Variants in LINGO2 observed in about 807,000 individuals in gnomAD.
The protein encoded by LINGO2 is leucine rich repeat and Ig domain containing 2, also known as leucine-rich repeat and immunoglobulin-like domain-containing nogo receptor-interacting protein 2.
LINGO2 carries 14 observed loss-of-function variants against 30.6 expected under a neutral mutation model. The ratio of observed to expected loss-of-function variants is 0.46; its 90% confidence interval spans 0.30 to 0.72. The LOEUF is 0.72. LINGO2 is among the 30% of genes least tolerant of loss of function. The probability of loss-of-function intolerance (pLI) is 0.07; values close to 1 mark genes in which losing one functional copy is unlikely to be tolerated. For synonymous variants in LINGO2, 317 were observed against 288.5 expected (o/e 1.10, Z -1.00); for missense variants, 729 against 751.7 (o/e 0.97, Z 0.35).
At chr9:28,699,970 C>T in the LINGO2 span, among the ~76,000 whole-genome samples, 2 of 151,936 alleles carry the variant, frequency 1.3e-5, no homozygotes, top group Non-Finnish European at 2.9e-5. Flanking sequence ...GAATATAGAC[C>T]CTTATCAGGA....
At chr9:29,081,450 T>C in the LINGO2 span, among the ~76,000 whole-genome samples, 2 of 152,028 alleles carry the variant, frequency 1.3e-5, no homozygotes, top group African/African-American at 4.8e-5. Flanking sequence ...TAAGAGCTAT[T>C]TATGACAAAC....
At chr9:28,847,333 G>A in the LINGO2 span, among the ~76,000 whole-genome samples, 1 of 148,028 alleles carries the variant, frequency 6.8e-6, no homozygotes, top group African/African-American at 2.5e-5. Flanking sequence ...CTCTGCCATA[G>A]AAATATGCCT....
chr9:28,610,540 G>A (rs1825871782), intron 1 of LINGO2, among the ~76,000 whole-genome samples: 1 of 152,094 alleles, frequency 6.6e-6, no homozygotes, highest in South Asian at 2.1e-4. Context: ...AAAAAACTAG[G>A]TATGCCCTTC....
rs367745371 is a variant in LINGO2, at chr9:28,219,077, G to A, written c.-87+76131C>T. On this transcript the variant is annotated intron_variant, in intron 4 of 5. Transcript: ENST00000379992. Reference sequence around the variant, plus strand: ...ACCCAGTTTTCAGGCAGCATTTGCAGCCGGATTAGCTTTTGCAGAACCAGG... The same window carrying A: ...ACCCAGTTTTCAGGCAGCATTTGCAACCGGATTAGCTTTTGCAGAACCAGG... Among the ~76,000 whole-genome samples, 30 of 152,256 alleles carry A rather than the reference G, an allele frequency of 2.0e-4. No individual in the cohort carries two copies. In the South Asian group the frequency reaches 6.0e-3, roughly 30 times the overall value.
chr9:29,077,895 A>G, the LINGO2 span, among the ~76,000 whole-genome samples: 283 of 152,082 alleles, frequency 1.9e-3, 2 homozygotes, highest in Non-Finnish European at 2.8e-3. Context: ...GAAAAGCAGC[A>G]TCTATCAGAT....
chr9:29,182,688 GT>G, the LINGO2 span, among the ~76,000 whole-genome samples: 88,965 of 147,118 alleles, frequency 0.6, 26,685 homozygotes, highest in East Asian at 0.74. Context: ...AAATCTGTAG[GT>G]TTTTTTTTTT....
chr9:28,593,010 G>A (rs1022296306), intron 1 of LINGO2, among the ~76,000 whole-genome samples: 1 of 151,930 alleles, frequency 6.6e-6, no homozygotes, highest in Non-Finnish European at 1.5e-5. Context: ...ATATTGGGTG[G>A]AATTTGGCTC....
intron 4 of LINGO2, among the ~76,000 whole-genome samples, chr9:28,091,343 C>G (rs1193368326): frequency 6.6e-6 from 1 of 152,172 alleles, no homozygotes; most frequent in Non-Finnish European, 1.5e-5. Flanking sequence ...ACCAAAACAG[C>G]ATGGTACTGG....
chr9:27,997,322 CT>C (rs1821716541), intron 5 of LINGO2, among the ~76,000 whole-genome samples: 1 of 152,188 alleles, frequency 6.6e-6, no homozygotes, highest in Non-Finnish European at 1.5e-5. Context: ...TTCAGCAAAA[CT>C]TCAGCTGAAA....
intron 4 of LINGO2, among the ~76,000 whole-genome samples, chr9:28,182,662 C>G (rs1308363040): frequency 6.6e-6 from 1 of 152,112 alleles, no homozygotes; most frequent in Non-Finnish European, 1.5e-5. Flanking sequence ...TGAACAGACA[C>G]TTCTCAAAAG....
the LINGO2 span, among the ~76,000 whole-genome samples, chr9:28,902,221 A>T: frequency 6.6e-6 from 1 of 152,148 alleles, no homozygotes; most frequent in African/African-American, 2.4e-5. Flanking sequence ...AGCTATGCTT[A>T]TATCAGTAAA....
the LINGO2 span, among the ~76,000 whole-genome samples, chr9:28,772,747 G>A: frequency 2.0e-5 from 3 of 152,080 alleles, no homozygotes; most frequent in Admixed American, 6.6e-5. Flanking sequence ...TATGATACTT[G>A]AAGAAAAAAA....
At chr9:29,031,642 T>C in the LINGO2 span, among the ~76,000 whole-genome samples, 57 of 152,260 alleles carry the variant, frequency 3.7e-4, no homozygotes, top group African/African-American at 1.3e-3. Context: ...TATTCTAAAA[T>C]GTCAGATCCT....
intron 4 of LINGO2, among the ~76,000 whole-genome samples, chr9:28,109,748 C>T (rs1182930954): frequency 1.3e-5 from 2 of 152,118 alleles, no homozygotes; most frequent in Admixed American, 1.3e-4. Flanking sequence ...AGAGAGGACA[C>T]AAACAAATGG....
the LINGO2 span, among the ~76,000 whole-genome samples, chr9:29,189,799 T>C: frequency 2.0e-5 from 3 of 151,924 alleles, no homozygotes; most frequent in Admixed American, 6.6e-5. Context: ...CACTCGCGGT[T>C]AGGAGCTGGA....
chr9:28,947,075 TCAAA>T, the LINGO2 span, among the ~76,000 whole-genome samples: 15 of 152,134 alleles, frequency 9.9e-5, no homozygotes, highest in African/African-American at 3.6e-4. Flanking sequence ...TGAAATTTCC[TCAAA>T]CAAATGTCTT....
At chr9:29,177,273 A>G in the LINGO2 span, among the ~76,000 whole-genome samples, 1 of 152,202 alleles carries the variant, frequency 6.6e-6, no homozygotes, top group South Asian at 2.1e-4. Context: ...TCCCAATAGA[A>G]TATATACTTA....
chr9:27,961,760 A>T (rs916050529), intron 5 of LINGO2, among the ~76,000 whole-genome samples: 1 of 152,204 alleles, frequency 6.6e-6, no homozygotes, highest in Non-Finnish European at 1.5e-5. Flanking sequence ...AGAAAAAAAT[A>T]GTGGTTACTC....
chr9:28,134,600 C>A (rs566413946), intron 4 of LINGO2, among the ~76,000 whole-genome samples: 20 of 152,278 alleles, frequency 1.3e-4, no homozygotes, highest in African/African-American at 4.6e-4. Context: ...AACACAGATA[C>A]ACTCTCTAAG....
Sources: allele counts gnomAD v4.1 joint callset (sites outside exome capture counted in the v4.1 genomes callset), GRCh38; gene constraint gnomAD v4.1.1; transcripts MANE v1.5; gene names NCBI Gene and HGNC (gene_info 2026-07-23, HGNC 2026-07-21).